The following DDR2 variants were observed in gnomAD, a reference collection of about 807,000 sequenced individuals.
DDR2 encodes discoidin domain-containing receptor 2.
Under a neutral mutation model 94.9 loss-of-function variants are expected in DDR2, and 27 were observed. The ratio of observed to expected loss-of-function variants is 0.28; its 90% confidence interval spans 0.21 to 0.39. The LOEUF is 0.39. Among genes scored for constraint, DDR2 ranks in the 10% least tolerant of loss-of-function variants. The probability of loss-of-function intolerance (pLI) is 1.00; values close to 1 mark genes in which losing one functional copy is unlikely to be tolerated. For missense variants in DDR2, 783 were observed against 1,076.0 expected, an observed-to-expected ratio of 0.73 and a Z score of 3.81; for synonymous variants, 382 against 377.2, an observed-to-expected ratio of 1.01 and a Z score of -0.15.
intron 2 of DDR2, among the ~76,000 whole-genome samples, chr1:162,656,838 T>A (rs951315217): frequency 5.3e-5 from 6 of 113,820 alleles, no homozygotes; most frequent in African/African-American, 1.8e-4. Flanking sequence ...CTGGAGTTTT[T>A]TTTTTTTTTT....
At chr1:162,725,291 A>G (rs1317685816) in intron 3 of DDR2, among the ~76,000 whole-genome samples, 3 of 152,214 alleles carry the variant, frequency 2.0e-5, no homozygotes, top group African/African-American at 7.2e-5. Flanking sequence ...ACTCTGCTCC[A>G]GCAAGCATGC....
intron 1 of DDR2, among the ~76,000 whole-genome samples, chr1:162,653,730 T>C (rs1055486670): frequency 6.6e-6 from 1 of 152,140 alleles, no homozygotes; most frequent in Non-Finnish European, 1.5e-5. Context: ...AGATTGTTAA[T>C]GTAAGTTTTT....
intron 11 of DDR2, among the ~76,000 whole-genome samples, chr1:162,768,978 T>G (rs1030992353): frequency 8.5e-5 from 13 of 152,226 alleles, no homozygotes; most frequent in Middle Eastern, 3.2e-3. Flanking sequence ...TGAAGGTTCA[T>G]TGAACTGCTT....
chr1:162,784,712 C>A lies in DDR2; in HGVS notation c.*4466C>A, dbSNP rs1466954407. 1.3e-5 allele frequency: 2 copies of A among 151,830 alleles called. No individual in the cohort carries two copies. Among genetic ancestry groups the A allele is most frequent in the Non-Finnish European group, 2.9e-5 (2 of 67,938 alleles). 9.4% of individuals were successfully genotyped at this position (151,830 alleles called of 1,614,324 possible). A position where few individuals can be genotyped will look rare whatever the true frequency, so the allele number is the denominator to read the frequency against. On this transcript the variant is annotated 3_prime_UTR_variant, in exon 18 of 18. Coordinates refer to ENST00000367921, the MANE Select transcript of DDR2 (RefSeq NM_006182.4). Reference sequence around the variant, plus strand: ...AGTTGCTGTATCCTTTAAAAAAAAACAAAAAACTTGTTATTTTGAAAGAAC... The same window carrying A: ...AGTTGCTGTATCCTTTAAAAAAAAAAAAAAAACTTGTTATTTTGAAAGAAC...
Position 162,646,485 on chromosome 1 carries a change from A to G in DDR2, c.-191-8726A>G, listed in dbSNP as rs61810409. Among the ~76,000 whole-genome samples the G allele has an allele frequency of 6.2e-3, 940 of 152,304 alleles. 6 individuals are homozygous for G. Among genetic ancestry groups the G allele is most frequent in the Admixed American group, 0.013 (205 of 15,306 alleles). On this transcript the variant is annotated intron_variant, in intron 1 of 17. Transcript: ENST00000367921. ...TTGGTGTGAGGTGAGTGCTTTGGCTATTTTACATGTGAGGACACATGACAC... is the reference window on the plus strand; with the variant it reads ...TTGGTGTGAGGTGAGTGCTTTGGCTGTTTTACATGTGAGGACACATGACAC...
Position 162,780,510 on chromosome 1 carries a change from C to G in DDR2, c.*264C>G. The G allele has an allele frequency of 2.3e-6, 1 of 434,528 alleles. No individual in the cohort carries two copies. The highest frequency in any genetic ancestry group is 4.1e-6 in the Non-Finnish European group (1 of 243,684). The allele number at this position is 434,528 out of a possible 1,614,324, so 26.9% of individuals were successfully genotyped here. A position where few individuals can be genotyped will look rare whatever the true frequency, so the allele number is the denominator to read the frequency against. On this transcript the variant is annotated 3_prime_UTR_variant, in exon 18 of 18. Transcript: ENST00000367921. ...TAGTAAAAGAAAATCTTTGATATAC[C>G]AAAGTGTTGGATAACAAAGGCTAGA...
intron 11 of DDR2, among the ~76,000 whole-genome samples, chr1:162,767,882 C>G (rs1050189047): frequency 1.3e-5 from 2 of 151,598 alleles, no homozygotes; most frequent in Non-Finnish European, 2.9e-5. Context: ...TCTCACTATT[C>G]TATTTCTACT....
intron 2 of DDR2, among the ~76,000 whole-genome samples, chr1:162,676,061 G>A (rs1407027588): frequency 1.3e-5 from 2 of 152,140 alleles, no homozygotes; most frequent in Admixed American, 6.6e-5. Flanking sequence ...AAGTTGGAAT[G>A]TACATGTGCA....
At chr1:162,643,670 G>A (rs958047658) in intron 1 of DDR2, among the ~76,000 whole-genome samples, 1 of 152,198 alleles carries the variant, frequency 6.6e-6, no homozygotes, top group East Asian at 1.9e-4. Context: ...TAGTAGAGAC[G>A]AAGCTTTGCC....
chr1:162,652,227 C>T (rs7412891), intron 1 of DDR2, among the ~76,000 whole-genome samples: 139,277 of 152,222 alleles, frequency 0.91, 64,302 homozygotes, highest in Middle Eastern at 0.98. Context: ...CATGCTTACC[C>T]GAGGGGCTCC....
Position 162,782,521 on chromosome 1 carries a change from A to G in DDR2, c.*2275A>G, listed in dbSNP as rs935012205. ...GGACCTGCCACACTCCACTTTCAAG[A>G]TATGTATTAGCTTCATTAGAATTAA... is the stretch of plus-strand genomic sequence containing the variant. On this transcript the variant is annotated 3_prime_UTR_variant, in exon 18 of 18. Coordinates refer to ENST00000367921, the MANE Select transcript of DDR2 (RefSeq NM_006182.4). 6.6e-6 allele frequency: 1 copy of G among 152,180 alleles called. No individual in the cohort carries two copies. The highest frequency in any genetic ancestry group is 1.5e-5 in the Non-Finnish European group (1 of 68,036). The allele number at this position is 152,180 out of a possible 1,614,324, so 9.4% of individuals were successfully genotyped here.
At chr1:162,714,958 A>G (rs908644829) in intron 2 of DDR2, among the ~76,000 whole-genome samples, 4 of 152,192 alleles carry the variant, frequency 2.6e-5, no homozygotes, top group African/African-American at 9.6e-5. Flanking sequence ...GTGGGTAGAG[A>G]AGGGCTTTCC....
At chr1:162,766,275 A>C (rs536577820) in intron 10 of DDR2, among the ~76,000 whole-genome samples, 23 of 152,332 alleles carry the variant, frequency 1.5e-4, no homozygotes, top group South Asian at 8.3e-4. Flanking sequence ...TCTTCAGCTG[A>C]GGCAGAGTCT....
At chr1:162,766,130 G>C (rs538240569) in intron 10 of DDR2, 67 bp downstream of exon 10, 20 of 1,555,110 alleles carry the variant, frequency 1.3e-5, no homozygotes, top group Admixed American at 1.7e-5. Context: ...GAAGGGTGGA[G>C]AGTTGCAAAG....
Position 162,702,201 on chromosome 1 carries a change from A to G in DDR2, c.-27-16836A>G, listed in dbSNP as rs7354936. On this transcript the variant is annotated intron_variant, in intron 2 of 17. Coordinates refer to ENST00000367921, the MANE Select transcript of DDR2 (RefSeq NM_006182.4). ...GGCGTTGTTGTGCATAAAGTTCTGA[A>G]TCATATTTTTCATCTTTGTTCGTTG... Among the ~76,000 whole-genome samples, 537 of 152,112 alleles carry G rather than the reference A, an allele frequency of 3.5e-3. 2 individuals carry two copies. The highest frequency in any genetic ancestry group is 0.012 in the African/African-American group (514 of 41,498).
intron 13 of DDR2, among the ~76,000 whole-genome samples, chr1:162,772,668 C>T (rs75504197): frequency 3.9e-5 from 6 of 152,216 alleles, no homozygotes; most frequent in South Asian, 2.1e-4. Context: ...AAAACAACCT[C>T]GCCCCTGCCT....
intron 2 of DDR2, among the ~76,000 whole-genome samples, chr1:162,713,656 G>T (rs193064696): frequency 6.6e-6 from 1 of 152,100 alleles, no homozygotes; most frequent in Admixed American, 6.6e-5. Context: ...GACTTCAACC[G>T]TTGTAACTGT....
At chr1:162,670,990 CT>C (rs1174646087) in intron 2 of DDR2, among the ~76,000 whole-genome samples, 1 of 152,168 alleles carries the variant, frequency 6.6e-6, no homozygotes, top group African/African-American at 2.4e-5. Context: ...TTAACCTTTT[CT>C]TCATGTGCCA....
At chr1:162,663,137 A>G (rs1658388657) in intron 2 of DDR2, among the ~76,000 whole-genome samples, 1 of 152,214 alleles carries the variant, frequency 6.6e-6, no homozygotes, top group African/African-American at 2.4e-5. Flanking sequence ...CAAATCTCCC[A>G]GTATCCCTGG....
Sources: gnomAD v4.1 joint callset for allele counts (sites outside exome capture counted in the v4.1 genomes callset) on GRCh38, gnomAD v4.1.1 for gene constraint, MANE v1.5 for transcripts, NCBI Gene and HGNC (gene_info 2026-07-23, HGNC 2026-07-21) for gene names.